FRMD4A: variants seen among roughly 807,000 people sequenced by gnomAD.
FRMD4A encodes FERM domain-containing protein 4A.
A neutral mutation model predicts 129.1 loss-of-function variants in FRMD4A; 29 were observed. The observed-to-expected ratio is 0.22, with a 90% CI of 0.17 to 0.31. The LOEUF (loss-of-function observed/expected upper bound fraction) is 0.31, where lower values mean the gene tolerates loss of function less well. Ranked by LOEUF, FRMD4A falls within the 10% of genes least tolerant of loss-of-function variation. The pLI is 1.00. For missense variants in FRMD4A, 1,272 were observed against 1,375.8 expected (o/e 0.92, Z 1.19); for synonymous variants, 634 against 571.6 (o/e 1.11, Z -1.56).
At chr10:13,900,057 T>G (rs1412241589) in intron 2 of FRMD4A, among the ~76,000 whole-genome samples, 1 of 152,170 alleles carries the variant, frequency 6.6e-6, no homozygotes, top group African/African-American at 2.4e-5. Flanking sequence ...TTAAAGTGCT[T>G]GGCTGGTTTC....
At chr10:14,052,581 A>G (rs987852376) in intron 2 of FRMD4A, among the ~76,000 whole-genome samples, 1 of 152,046 alleles carries the variant, frequency 6.6e-6, no homozygotes, top group African/African-American at 2.4e-5. Flanking sequence ...TTTTTGAGAC[A>G]GAGTCTCACT....
chr10:14,122,783 G>T (rs1167107425), intron 2 of FRMD4A, among the ~76,000 whole-genome samples: 1 of 152,210 alleles, frequency 6.6e-6, no homozygotes, highest in African/African-American at 2.4e-5. Flanking sequence ...CACAGGATTT[G>T]GGTGGGGACA....
chr10:14,308,708 C>T (rs951299204), intron 2 of FRMD4A, among the ~76,000 whole-genome samples: 1 of 152,206 alleles, frequency 6.6e-6, no homozygotes, highest in African/African-American at 2.4e-5. Flanking sequence ...ATAATCACAT[C>T]ACTATTTGTT....
At chr10:13,945,038 C>CG (rs2131319231) in intron 2 of FRMD4A, among the ~76,000 whole-genome samples, 1 of 152,254 alleles carries the variant, frequency 6.6e-6, no homozygotes, top group East Asian at 1.9e-4. Flanking sequence ...ATCGCCCCTC[C>CG]GGTCTCTCCA....
chr10:14,204,564 G>C (rs867705591), intron 2 of FRMD4A, among the ~76,000 whole-genome samples: 1 of 151,856 alleles, frequency 6.6e-6, no homozygotes, highest in Non-Finnish European at 1.5e-5. Context: ...TCCTTTTCTC[G>C]CAACTACAAA....
chr10:13,954,167 C>T (rs2095393446), intron 2 of FRMD4A, among the ~76,000 whole-genome samples: 1 of 152,162 alleles, frequency 6.6e-6, no homozygotes, highest in Non-Finnish European at 1.5e-5. Context: ...AAGAAATAAA[C>T]AAAAGGAGAG....
chr10:14,041,870 A>G (rs77134112), intron 2 of FRMD4A, among the ~76,000 whole-genome samples: 1,953 of 152,342 alleles, frequency 0.013, 62 homozygotes, highest in East Asian at 0.11. Context: ...AGAAAACTCA[A>G]CTATGCTGGT....
At chr10:13,828,754 A>G (rs2130931462) in intron 3 of FRMD4A, among the ~76,000 whole-genome samples, 2 of 151,868 alleles carry the variant, frequency 1.3e-5, no homozygotes, top group South Asian at 2.1e-4. Context: ...CTGCTCTTGA[A>G]CTTCTGACCT....
intron 8 of FRMD4A, among the ~76,000 whole-genome samples, chr10:13,761,035 C>A (rs1317433573): frequency 6.6e-6 from 1 of 152,200 alleles, no homozygotes; most frequent in Non-Finnish European, 1.5e-5. Context: ...TTCAGCCATA[C>A]TGATCAACAT....
intron 8 of FRMD4A, among the ~76,000 whole-genome samples, chr10:13,748,383 G>C (rs1292250297): frequency 6.6e-6 from 1 of 152,196 alleles, no homozygotes; most frequent in Non-Finnish European, 1.5e-5. Flanking sequence ...GGAAATGCTT[G>C]GGAGCAAAAG....
At chr10:14,115,674 G>T (rs1304454274) in intron 2 of FRMD4A, among the ~76,000 whole-genome samples, 1 of 152,104 alleles carries the variant, frequency 6.6e-6, no homozygotes, top group Non-Finnish European at 1.5e-5. Flanking sequence ...ACAAGAACTG[G>T]TGGTTAAAAA....
intron 6 of FRMD4A, among the ~76,000 whole-genome samples, chr10:13,777,878 A>G (rs2092635858): frequency 7.1e-6 from 1 of 140,028 alleles, no homozygotes; most frequent in Non-Finnish European, 1.5e-5. Context: ...GGCTTACTGC[A>G]ACCTCAGCCT....
chr10:14,046,847 A>G (rs1033431427), intron 2 of FRMD4A, among the ~76,000 whole-genome samples: 2 of 152,198 alleles, frequency 1.3e-5, no homozygotes, highest in African/African-American at 4.8e-5. Context: ...ACACATGAGG[A>G]TATAAAATTC....
chr10:13,713,111 C>T (rs978395728), intron 12 of FRMD4A, among the ~76,000 whole-genome samples: 1 of 152,164 alleles, frequency 6.6e-6, no homozygotes, highest in Non-Finnish European at 1.5e-5. Context: ...CGTCTTCCCC[C>T]GCTGCCCCTG....
At chr10:14,132,922 T>C (rs6602707) in intron 2 of FRMD4A, among the ~76,000 whole-genome samples, 48,276 of 152,124 alleles carry the variant, frequency 0.32, 7,907 homozygotes, top group East Asian at 0.56. Context: ...CAATATTTCC[T>C]GGTGCCATTA....
chr10:14,114,128 T>C (rs1037559684), intron 2 of FRMD4A, among the ~76,000 whole-genome samples: 13 of 152,244 alleles, frequency 8.5e-5, no homozygotes, highest in African/African-American at 3.1e-4. Flanking sequence ...GGTCACTCAC[T>C]GCCGACTGTG....
At chr10:13,930,408 T>A (rs897996412) in intron 2 of FRMD4A, among the ~76,000 whole-genome samples, 14 of 152,212 alleles carry the variant, frequency 9.2e-5, no homozygotes, top group South Asian at 2.1e-4. Flanking sequence ...CTCTGCCTGA[T>A]AAGCCGCAGG....
intron 2 of FRMD4A, among the ~76,000 whole-genome samples, chr10:14,284,430 C>T (rs1215842633): frequency 2.0e-5 from 3 of 152,100 alleles, no homozygotes. Flanking sequence ...GGATGGATCA[C>T]GAGATCAGGA....
intron 2 of FRMD4A, among the ~76,000 whole-genome samples, chr10:14,150,709 G>A (rs1486111761): frequency 2.0e-5 from 3 of 152,100 alleles, no homozygotes; most frequent in Non-Finnish European, 4.4e-5. Context: ...ACCCTTCAGA[G>A]AGCCTGCTGC....
Sources: gnomAD v4.1 joint callset for allele counts (sites outside exome capture counted in the v4.1 genomes callset) on GRCh38, gnomAD v4.1.1 for gene constraint, MANE v1.5 for transcripts, NCBI Gene and HGNC (gene_info 2026-07-23, HGNC 2026-07-21) for gene names.